Variants in HDAC4 observed in about 807,000 individuals in gnomAD.
HDAC4 encodes histone deacetylase A.
A neutral mutation model predicts 135.1 loss-of-function variants in HDAC4; 16 were observed. The ratio of observed to expected loss-of-function variants is 0.12; its 90% CI spans 0.08 to 0.18. HDAC4 has a LOEUF of 0.18. Among genes scored for constraint, HDAC4 ranks in the 10% least tolerant of loss-of-function variants. The pLI is 1.00. For synonymous variants in HDAC4, 685 were observed against 653.4 expected (o/e 1.05, Z -0.74); for missense variants, 1,143 against 1,511.8 (o/e 0.76, Z 4.05).
intron 12 of HDAC4, among the ~76,000 whole-genome samples, chr2:239,123,180 GATAATGACATAATAA>G (rs1315990663): frequency 1.3e-5 from 2 of 152,322 alleles, no homozygotes; most frequent in Non-Finnish European, 2.9e-5. Flanking sequence ...CCATCACTCA[GATAATGACATAATAA>G]AATTAACAAA....
chr2:239,126,432 G>C (rs753350585), intron 12 of HDAC4, 24 bp downstream of exon 12: 1 of 1,613,102 alleles, frequency 6.2e-7, no homozygotes, highest in Non-Finnish European at 8.5e-7. Context: ...CTGGGGCCTG[G>C]GAGCGCTGAG....
chr2:239,106,130 C>T (rs1013635827), intron 15 of HDAC4, among the ~76,000 whole-genome samples: 5 of 152,216 alleles, frequency 3.3e-5, no homozygotes, highest in African/African-American at 9.7e-5. Context: ...CTGGCCCAGT[C>T]GTGGCTGGCA....
chr2:239,394,397 CA>C (rs1696430368), intron 1 of HDAC4, among the ~76,000 whole-genome samples: 1 of 152,178 alleles, frequency 6.6e-6, no homozygotes, highest in Admixed American at 6.5e-5. Flanking sequence ...TAATTTAAAA[CA>C]AGCAGAGAAA....
chr2:239,092,606 G>A lies in HDAC4; in HGVS notation c.2280+2404C>T, dbSNP rs535607038. ...TCAGAAGCTTCTGGAGTCTTGCACA[G>A]AGTGAAGGACAAAGCCCCAGCCAAA... is the stretch of plus-strand genomic sequence containing the variant. On this transcript the variant is annotated intron_variant, in intron 17 of 26. Coordinates refer to ENST00000543185, the MANE Select transcript of HDAC4 (RefSeq NM_001378414.1). Among the ~76,000 whole-genome samples the A allele has an allele frequency of 3.3e-5, 5 of 152,314 alleles. No homozygotes were observed. The East Asian group carries it at 9.7e-4, about 29-fold the overall frequency.
At chr2:239,340,976 C>G (rs1692262024) in intron 2 of HDAC4, among the ~76,000 whole-genome samples, 2 of 152,246 alleles carry the variant, frequency 1.3e-5, no homozygotes, top group Admixed American at 1.3e-4. Context: ...AACCTCCCAT[C>G]TCCACCATCA....
intron 1 of HDAC4, among the ~76,000 whole-genome samples, chr2:239,376,533 G>A (rs767885760): frequency 6.6e-5 from 10 of 152,364 alleles, no homozygotes; most frequent in African/African-American, 9.6e-5. Context: ...GCCCTGGCCC[G>A]AAGGCACGTG....
chr2:239,324,160 T>C (rs1472331692), intron 2 of HDAC4, among the ~76,000 whole-genome samples: 2 of 152,230 alleles, frequency 1.3e-5, no homozygotes, highest in Admixed American at 1.3e-4. Context: ...CTGGGGTCTC[T>C]GGAAAATATT....
At chr2:239,148,349 TACA>T (rs1236031092) in intron 7 of HDAC4, among the ~76,000 whole-genome samples, 1 of 152,048 alleles carries the variant, frequency 6.6e-6, no homozygotes, top group Non-Finnish European at 1.5e-5. Flanking sequence ...GCAAAGGTCG[TACA>T]ACAAATTACT....
intron 12 of HDAC4, among the ~76,000 whole-genome samples, chr2:239,124,232 A>G (rs983200381): frequency 1.3e-5 from 2 of 152,196 alleles, no homozygotes; most frequent in Admixed American, 6.5e-5. Context: ...CTGTGCAGTC[A>G]TCACCATATC....
chr2:239,119,912 GGC>G, intron 12 of HDAC4, among the ~76,000 whole-genome samples: 1 of 151,558 alleles, frequency 6.6e-6, no homozygotes, highest in Non-Finnish European at 1.5e-5. Context: ...TGGGTCCAGC[GGC>G]AGTGGGGACC....
Position 239,084,604 on chromosome 2 carries a change from C to A in HDAC4, c.2445-362G>T, listed in dbSNP as rs534270591. On this transcript the variant is annotated intron_variant, in intron 19 of 26. Transcript: ENST00000543185. The stretch of plus-strand genomic sequence containing the variant: ...CACCACAGACAGAGACACACACACA[C>A]CCCCCACAGACACACACACCACAGA... Among the ~76,000 whole-genome samples the A allele has an allele frequency of 5.9e-5, 9 of 151,566 alleles. No homozygotes were observed. The South Asian group carries it at 1.9e-3, about 32-fold the overall frequency.
At chr2:239,347,675 T>C (rs1408418140) in intron 2 of HDAC4, among the ~76,000 whole-genome samples, 1 of 152,012 alleles carries the variant, frequency 6.6e-6, no homozygotes, top group Non-Finnish European at 1.5e-5. Context: ...CCACCACGCC[T>C]GGCTAATTTT....
At chr2:239,066,218 G>A (rs913664559) in intron 24 of HDAC4, among the ~76,000 whole-genome samples, 22 of 152,164 alleles carry the variant, frequency 1.4e-4, no homozygotes, top group South Asian at 8.3e-4. Context: ...GACTCCCTCC[G>A]GCGGTGTTGG....
chr2:239,048,889 C>T lies in HDAC4; in HGVS notation c.*4208G>A, dbSNP rs1019409121. On this transcript the variant is annotated 3_prime_UTR_variant, in exon 27 of 27. Coordinates refer to ENST00000543185, the MANE Select transcript of HDAC4 (RefSeq NM_001378414.1). ...CCTAAAAGTAATTAAAAAGTCAACA[C>T]AGCTGTGCGGAAAAGGGGACTCTTT... 1 of 152,264 alleles carries T rather than the reference C, an allele frequency of 6.6e-6. No homozygotes were observed. Among genetic ancestry groups the T allele is most frequent in the Non-Finnish European group, 1.5e-5 (1 of 68,056 alleles). 9.4% of individuals were successfully genotyped at this position (152,264 alleles called of 1,614,324 possible).
chr2:239,289,769 G>A (rs529061098), intron 2 of HDAC4, among the ~76,000 whole-genome samples: 137 of 152,190 alleles, frequency 9.0e-4, no homozygotes, highest in Non-Finnish European at 1.5e-3. Context: ...AGCTCTGCCC[G>A]CTGCCTGATC....
intron 2 of HDAC4, among the ~76,000 whole-genome samples, chr2:239,289,465 G>C (rs1043584875): frequency 1.3e-5 from 2 of 152,206 alleles, no homozygotes; most frequent in Non-Finnish European, 2.9e-5. Flanking sequence ...CAAGGAAGTC[G>C]AGTAAAACAC....
chr2:239,156,933 C>T (rs925228102), intron 6 of HDAC4, among the ~76,000 whole-genome samples, 160 bp from the exon 7 acceptor site: 2 of 152,206 alleles, frequency 1.3e-5, no homozygotes, highest in Non-Finnish European at 2.9e-5. Flanking sequence ...TAAATGGAAA[C>T]AAACAGGATG....
chr2:239,084,131 G>A (rs752777159), intron 20 of HDAC4, 24 bp downstream of exon 20: 43 of 1,577,600 alleles, frequency 2.7e-5, no homozygotes, highest in Middle Eastern at 1.7e-4. Context: ...CCTGAGCTGC[G>A]CTGGCCAAGG....
intron 2 of HDAC4, among the ~76,000 whole-genome samples, chr2:239,266,754 T>G (rs546445729): frequency 6.6e-6 from 1 of 151,822 alleles, no homozygotes; most frequent in Admixed American, 6.5e-5. Flanking sequence ...AAGGGGACTG[T>G]GAGCTTGTAA....
Sources: allele counts gnomAD v4.1 joint callset (sites outside exome capture counted in the v4.1 genomes callset), GRCh38; gene constraint gnomAD v4.1.1; transcripts MANE v1.5; gene names NCBI Gene and HGNC (gene_info 2026-07-23, HGNC 2026-07-21).